KIF3A: variants seen among roughly 807,000 people sequenced by gnomAD.
KIF3A encodes the protein kinesin-like protein KIF3A.
In KIF3A, 27 loss-of-function variants were observed where a neutral mutation model predicts 92.6. The observed-to-expected ratio is 0.29, with a 90% confidence interval of 0.21 to 0.40. The LOEUF is 0.40. Among genes scored for constraint, KIF3A ranks in the 10% least tolerant of loss-of-function variants. KIF3A has a pLI of 1.00. For missense variants in KIF3A, 581 were observed against 872.6 expected (o/e 0.67, Z 4.21); for synonymous variants, 250 against 275.4 (o/e 0.91, Z 0.92).
At chr5:132,698,227 G>A (rs1752903982) in intron 18 of KIF3A, among the ~76,000 whole-genome samples, 1 of 151,970 alleles carries the variant, frequency 6.6e-6, no homozygotes, top group Admixed American at 6.6e-5. Context: ...TCAAAGTAGG[G>A]AAAAAAGCAG....
At chr5:132,730,731 G>A (rs532114529) in intron 2 of KIF3A, among the ~76,000 whole-genome samples, 6 of 151,274 alleles carry the variant, frequency 4.0e-5, no homozygotes, top group African/African-American at 7.3e-5. Flanking sequence ...GGAGGTAGAC[G>A]CTAAGTGAGC....
rs768242796 is a variant in KIF3A at position 132,734,394 on chromosome 5, T to C, written c.91A>G (p.Met31Val). ...ACACTGACAGCCTGTTTGTAGCACA[T>C]TGATTTCTCTCTCTCATTGAGGGGC... ...CRPLNEREKS[M>V]CYKQAVSVDE... Residue 31 changes from methionine (M) to valine (V), a missense_variant, in exon 2 of 19, where the codon ATG (methionine) becomes GTG (valine). Coordinates refer to ENST00000403231, the MANE Select transcript of KIF3A (RefSeq NM_001300791.2). 5.3e-5 allele frequency: 85 copies of C among 1,614,034 alleles called. No homozygotes were observed. The highest frequency in any genetic ancestry group is 5.1e-4 in the South Asian group (46 of 91,076).
intron 10 of KIF3A, among the ~76,000 whole-genome samples, chr5:132,707,184 C>T (rs1753241737): frequency 6.6e-6 from 1 of 151,058 alleles, no homozygotes; most frequent in Non-Finnish European, 1.5e-5. Flanking sequence ...TATACCTGTA[C>T]AGTAACAAAC....
chr5:132,699,999 T>A (rs1451852879), intron 17 of KIF3A, among the ~76,000 whole-genome samples: 1 of 152,106 alleles, frequency 6.6e-6, no homozygotes, highest in South Asian at 2.1e-4. Context: ...ATGCCCCTCT[T>A]GTGGTGGGAA....
downstream of KIF3A, among the ~76,000 whole-genome samples, chr5:132,689,210 T>C (rs1752608018): frequency 6.6e-6 from 1 of 152,198 alleles, no homozygotes; most frequent in Admixed American, 6.5e-5. Context: ...GAAATTGAGA[T>C]AATAATTAAT....
At chr5:132,706,997 C>T (rs1753234250) in intron 10 of KIF3A, among the ~76,000 whole-genome samples, 1 of 152,196 alleles carries the variant, frequency 6.6e-6, no homozygotes, top group Admixed American at 6.5e-5. Flanking sequence ...AACACAAAAA[C>T]CTGAACCAAT....
chr5:132,697,339 C>T (rs536402647), intron 18 of KIF3A, among the ~76,000 whole-genome samples: 1 of 151,638 alleles, frequency 6.6e-6, no homozygotes, highest in South Asian at 2.1e-4. Flanking sequence ...TAATGTTGGG[C>T]CACACGATTT....
At chr5:132,691,613 AT>A, downstream of KIF3A, among the ~76,000 whole-genome samples, 1 of 151,500 alleles carries the variant, frequency 6.6e-6, no homozygotes, top group Non-Finnish European at 1.5e-5. Flanking sequence ...ATTTAAAAAC[AT>A]TTCTCCAGCT....
intron 4 of KIF3A, among the ~76,000 whole-genome samples, chr5:132,724,798 AAAAAAAAAAT>A (rs1753950191): frequency 5.4e-5 from 2 of 37,074 alleles, no homozygotes; most frequent in African/African-American, 2.4e-4. Context: ...ATAATAAAAA[AAAAAAAAAAT>A]ATATATATAT....
At chr5:132,732,105 A>G (rs1754252177) in intron 2 of KIF3A, among the ~76,000 whole-genome samples, 1 of 152,232 alleles carries the variant, frequency 6.6e-6, no homozygotes, top group Non-Finnish European at 1.5e-5. Flanking sequence ...GTTTCAGGAT[A>G]CAAGGTCAAT....
intron 14 of KIF3A, 75 bp from the exon 15 acceptor site, chr5:132,702,287 G>A (rs1736794877): frequency 2.1e-6 from 3 of 1,434,810 alleles, no homozygotes; most frequent in Non-Finnish European, 2.9e-6. Context: ...CACATAGGAT[G>A]CTTGTCTAAG....
At chr5:132,720,873 A>C (rs1241831139) in intron 4 of KIF3A, among the ~76,000 whole-genome samples, 159 bp from the exon 5 acceptor site, 1 of 152,236 alleles carries the variant, frequency 6.6e-6, no homozygotes, top group Non-Finnish European at 1.5e-5. Flanking sequence ...AAGAACATAC[A>C]AATGAAGAAT....
chr5:132,719,709 C>T (rs1271941348), intron 5 of KIF3A, among the ~76,000 whole-genome samples: 1 of 151,932 alleles, frequency 6.6e-6, no homozygotes, highest in Non-Finnish European at 1.5e-5. Context: ...CCAGGCTGGT[C>T]TCAAACAAGT....
intron 1 of KIF3A, among the ~76,000 whole-genome samples, chr5:132,736,320 G>GA (rs1181907935): frequency 3.3e-5 from 5 of 151,792 alleles, no homozygotes; most frequent in African/African-American, 7.3e-5. Flanking sequence ...TTCTTGGGAG[G>GA]AAAAAAAATG....
At position 132,701,173 on chromosome 5, in the gene KIF3A, T is replaced by C. The variant is rs539399378; in HGVS notation, c.1885-473A>G. 6.6e-5 allele frequency among the ~76,000 whole-genome samples: 10 copies of C among 152,202 alleles called. No individual in the cohort carries two copies. In the East Asian group the frequency reaches 1.9e-3, roughly 29 times the overall value. Reference sequence around the variant, plus strand: ...ACTAAGACTTATTTTCAGACAAATTTCTTAAAACTGTATTGAGATTCAAAA... The same window carrying C: ...ACTAAGACTTATTTTCAGACAAATTCCTTAAAACTGTATTGAGATTCAAAA... On this transcript the variant is annotated intron_variant, in intron 15 of 18. Transcript: ENST00000403231.
chr5:132,694,208 G>C lies in KIF3A; in HGVS notation c.*2426C>G, dbSNP rs1752760149. 6.6e-6 allele frequency: 1 copy of C among 151,950 alleles called. No homozygotes were observed. The highest frequency in any genetic ancestry group is 1.5e-5 in the Non-Finnish European group (1 of 68,044). The allele number at this position is 151,950 out of a possible 1,614,324, so 9.4% of individuals were successfully genotyped here. The stretch of plus-strand genomic sequence containing the variant: ...ACTTAAGCTCTAGGAGTTCAAGACA[G>C]GCCCGGGCAACATGGCAAAACCCCA... On this transcript the variant is annotated 3_prime_UTR_variant, in exon 19 of 19. Coordinates refer to ENST00000403231, the MANE Select transcript of KIF3A (RefSeq NM_001300791.2).
intron 18 of KIF3A, chr5:132,697,892 T>C (rs1199854297): frequency 6.6e-6 from 1 of 152,172 alleles, no homozygotes; most frequent in African/African-American, 2.4e-5. Context: ...TGGGGACAAA[T>C]GTCTTACCAT....
chr5:132,689,279 G>C (rs997599161), downstream of KIF3A, among the ~76,000 whole-genome samples: 8 of 152,334 alleles, frequency 5.3e-5, no homozygotes, highest in Middle Eastern at 6.8e-3. Context: ...CTTCAGAACT[G>C]TGTTAACTCC....
At chr5:132,690,881 C>T (rs1391224037), downstream of KIF3A, among the ~76,000 whole-genome samples, 1 of 151,728 alleles carries the variant, frequency 6.6e-6, no homozygotes, top group East Asian at 1.9e-4. Flanking sequence ...GAGCTGAAAT[C>T]GTGCCACTGC....
Sources: allele counts gnomAD v4.1 joint callset (sites outside exome capture counted in the v4.1 genomes callset), GRCh38; gene constraint gnomAD v4.1.1; transcripts MANE v1.5; gene names NCBI Gene and HGNC (gene_info 2026-07-23, HGNC 2026-07-21).